PPIL2: variants seen among roughly 807,000 people sequenced by gnomAD.
PPIL2 encodes the protein RING-type E3 ubiquitin-protein ligase PPIL2.
PPIL2 carries 50 observed loss-of-function variants against 75.2 expected under a neutral mutation model. The observed-to-expected ratio is 0.66, with a 90% confidence interval of 0.53 to 0.84. PPIL2 has a LOEUF of 0.84. Ranked by LOEUF, PPIL2 falls within the 40% of genes least tolerant of loss-of-function variation. PPIL2 has a pLI of 0.00. For missense variants in PPIL2, 590 were observed against 685.0 expected, an observed-to-expected ratio of 0.86 and a Z score of 1.55; for synonymous variants, 245 against 258.8, an observed-to-expected ratio of 0.95 and a Z score of 0.51.
chr22:21,680,462 T>C (rs1204634776), intron 6 of PPIL2, among the ~76,000 whole-genome samples: 1 of 151,896 alleles, frequency 6.6e-6, no homozygotes, highest in Non-Finnish European at 1.5e-5. Flanking sequence ...ACCCAGGAGA[T>C]GGAGGTTGCA....
Position 21,695,082 on chromosome 22 carries a change from G to A in PPIL2, c.1466+12G>A, listed in dbSNP as rs1302508268. The A allele has an allele frequency of 1.4e-5, 23 of 1,590,036 alleles. No homozygotes were observed. The highest frequency in any genetic ancestry group is 1.0e-4 in the South Asian group (9 of 89,278). On this transcript the variant is annotated intron_variant, in intron 19 of 19. Transcript: ENST00000398831. ...AACCCAGCAGCCACGTGAGTGCCGC[G>A]GGGCTGGCCTCCCTGTTTCCCATGG...
rs2066666822 is a variant in PPIL2 at position 21,672,328 on chromosome 22, A to G, written c.192-2A>G. On this transcript the variant is annotated splice_acceptor_variant, in intron 4 of 19. Transcript: ENST00000398831. LOFTEE classifies it high-confidence loss of function. ...ATGCTTTCTGTTCTGTCTTCCCTTC[A>G]GGAACATTGTTCCATGGCTTAAGAA... is the stretch of plus-strand genomic sequence containing the variant. 6.2e-7 allele frequency: 1 copy of G among 1,611,142 alleles called. No individual in the cohort carries two copies. The highest frequency in any genetic ancestry group is 8.5e-7 in the Non-Finnish European group (1 of 1,177,370).
intron 4 of PPIL2, 35 bp from the exon 5 acceptor site, chr22:21,672,295 C>T (rs367841744): frequency 6.3e-7 from 1 of 1,582,830 alleles, no homozygotes. Flanking sequence ...CGCCTAAGCA[C>T]CCTGGTGATG....
chr22:21,670,444 A>T (rs1193763802), intron 2 of PPIL2, 122 bp from the exon 3 acceptor site: 1 of 1,477,776 alleles, frequency 6.8e-7, no homozygotes, highest in African/African-American at 1.4e-5. Context: ...ATCCACAGCA[A>T]TTGCTGTACT....
In PPIL2 at chr22:21,675,906, T is replaced by C. The variant is rs145887925; in HGVS notation, c.295+791T>C. On this transcript the variant is annotated intron_variant, in intron 6 of 19. Coordinates refer to ENST00000398831, the MANE Select transcript of PPIL2 (RefSeq NM_014337.4). ...TTCATGCCCATTACACACCTTCCGC[T>C]GTTCTTGTGGCCAGAGGCCCGGATG... is the stretch of plus-strand genomic sequence containing the variant. Among the ~76,000 whole-genome samples the C allele has an allele frequency of 4.5e-3, 678 of 152,348 alleles. 7 individuals are homozygous for C. The highest frequency in any genetic ancestry group is 0.015 in the African/African-American group (632 of 41,594).
intron 14 of PPIL2, among the ~76,000 whole-genome samples, chr22:21,688,342 C>T (rs1296336498): frequency 6.6e-6 from 1 of 152,214 alleles, no homozygotes; most frequent in African/African-American, 2.4e-5. Context: ...CTTCCCTGGG[C>T]CCCTGGGGTC....
intron 2 of PPIL2, 130 bp from the exon 3 acceptor site, chr22:21,670,436 C>A: frequency 1.4e-6 from 2 of 1,463,366 alleles, no homozygotes; most frequent in Non-Finnish European, 1.9e-6. Context: ...GGTTTTTAAT[C>A]CACAGCAATT....
At chr22:21,670,677 GC>G in intron 3 of PPIL2, 66 bp downstream of exon 3, 1 of 1,497,992 alleles carries the variant, frequency 6.7e-7, no homozygotes, top group African/African-American at 1.4e-5. Context: ...TAGTGAATCT[GC>G]CCCTTGTGGA....
chr22:21,668,911 C>T (rs2066506779), intron 1 of PPIL2, among the ~76,000 whole-genome samples: 1 of 151,768 alleles, frequency 6.6e-6, no homozygotes, highest in South Asian at 2.1e-4. Context: ...CGGGGTTTCA[C>T]TGTGTTAGCC....
Position 21,696,349 on chromosome 22 carries a change from C to T in PPIL2, c.*859C>T. ...CACACTGGGTTGAGGCCAGTGTCTC[C>T]TGCTGTGAGAACAAGTGGATGTCCC... is the stretch of plus-strand genomic sequence containing the variant. On this transcript the variant is annotated 3_prime_UTR_variant, in exon 20 of 20. Transcript: ENST00000398831. The T allele has an allele frequency of 2.6e-6, 3 of 1,136,174 alleles. No individual in the cohort carries two copies. The highest frequency in any genetic ancestry group is 4.7e-5 in the Admixed American group (1 of 21,070). 70.4% of individuals were successfully genotyped at this position (1,136,174 alleles called of 1,614,324 possible).
intron 6 of PPIL2, among the ~76,000 whole-genome samples, chr22:21,675,589 G>A (rs1042797888): frequency 1.3e-5 from 2 of 152,218 alleles, no homozygotes; most frequent in Admixed American, 1.3e-4. Context: ...GTTTTAAGGT[G>A]GGGGAGGTTG....
Position 21,696,428 on chromosome 22 carries a change from G to C in PPIL2, c.*938G>C. On this transcript the variant is annotated 3_prime_UTR_variant, in exon 20 of 20. Transcript: ENST00000398831. ...TGCTGCTCTCAGGCCCGGCCACTGG[G>C]CTCCAAGACTCTGCTCCTCCTGTCA... 1 of 1,182,998 alleles carries C rather than the reference G, an allele frequency of 8.5e-7. No individual in the cohort carries two copies. The highest frequency in any genetic ancestry group is 1.6e-5 in the African/African-American group (1 of 62,882). The allele number at this position is 1,182,998 out of a possible 1,614,324, so 73.3% of individuals were successfully genotyped here. A position where few individuals can be genotyped will look rare whatever the true frequency, so the allele number is the denominator to read the frequency against.
intron 1 of PPIL2, among the ~76,000 whole-genome samples, chr22:21,668,222 C>G (rs1004914226): frequency 2.0e-5 from 3 of 152,138 alleles, no homozygotes; most frequent in Admixed American, 1.3e-4. Flanking sequence ...CCAGGAAAAC[C>G]TTAAAACTGA....
At position 21,693,803 on chromosome 22, in the gene PPIL2, C is replaced by A. The variant is rs1569046862; in HGVS notation, c.1140-13C>A. ...TGCCATGCTCTCCCTAACCATCCAGCCCTCCTCCCCAGCTTCATCACGTTT... is the reference window on the plus strand; with the variant it reads ...TGCCATGCTCTCCCTAACCATCCAGACCTCCTCCCCAGCTTCATCACGTTT... On this transcript the variant is annotated splice_polypyrimidine_tract_variant and intron_variant, in intron 15 of 19. Transcript: ENST00000398831. 1.3e-6 allele frequency: 2 copies of A among 1,531,024 alleles called. No homozygotes were observed. Among genetic ancestry groups the A allele is most frequent in the South Asian group, 2.2e-5 (2 of 89,340 alleles). The allele number at this position is 1,531,024 out of a possible 1,614,324, so 94.8% of individuals were successfully genotyped here.
At chr22:21,684,490 AGCGT>A (rs2067269668) in intron 9 of PPIL2, among the ~76,000 whole-genome samples, 1 of 151,286 alleles carries the variant, frequency 6.6e-6, no homozygotes, top group African/African-American at 2.4e-5. Context: ...AAAAAAGCAA[AGCGT>A]ATACTCTAAA....
intron 6 of PPIL2, among the ~76,000 whole-genome samples, chr22:21,676,243 AGT>A (rs36131221): frequency 0.14 from 18,697 of 130,268 alleles, 1,401 homozygotes; most frequent in East Asian, 0.39. Context: ...TGTGATCAGC[AGT>A]GTGTGTGTGT....
intron 4 of PPIL2, among the ~76,000 whole-genome samples, 183 bp from the exon 5 acceptor site, chr22:21,672,147 A>G (rs957904813): frequency 2.0e-5 from 3 of 152,170 alleles, no homozygotes; most frequent in African/African-American, 2.4e-5. Flanking sequence ...ATATTTTGAA[A>G]CCTATGTATC....
In PPIL2 at chr22:21,687,646, C is replaced by A; in HGVS notation, c.901C>A (p.Pro301Thr). The A allele has an allele frequency of 1.3e-6, 2 of 1,588,540 alleles. No homozygotes were observed. The highest frequency in any genetic ancestry group is 1.1e-5 in the South Asian group (1 of 90,714). Reference sequence around the variant, plus strand: ...AAGTATTGGGGCTATGTTGCAGACACCAAAAACCTGCGAAAACTTCATCAG... The same window carrying A: ...AAGTATTGGGGCTATGTTGCAGACAACAAAAACCTGCGAAAACTTCATCAG... ...LNLELHCDLT[P>T]KTCENFIRLC... The change falls in exon 13 of 20, where the codon CCA becomes ACA. Residue 301 changes from proline to threonine, a missense_variant. Transcript: ENST00000398831.
intron 6 of PPIL2, among the ~76,000 whole-genome samples, chr22:21,675,703 C>T (rs1184837755): frequency 6.6e-6 from 1 of 152,182 alleles, no homozygotes; most frequent in Non-Finnish European, 1.5e-5. Context: ...GGCATGGGCC[C>T]CCTCTGGCTG....
Sources: allele counts gnomAD v4.1 joint callset (sites outside exome capture counted in the v4.1 genomes callset), GRCh38; gene constraint gnomAD v4.1.1; transcripts MANE v1.5; gene names NCBI Gene and HGNC (gene_info 2026-07-23, HGNC 2026-07-21).